The following KDM4C variants were observed in gnomAD, a reference collection of about 807,000 sequenced individuals.
KDM4C encodes the protein lysine-specific demethylase 4C.
A neutral mutation model predicts 129.3 loss-of-function variants in KDM4C; 81 were observed. The observed-to-expected ratio is 0.63, with a 90% confidence interval of 0.52 to 0.75. KDM4C has a LOEUF of 0.75. KDM4C is among the 30% of genes least tolerant of loss of function. The pLI is 0.00. For missense variants in KDM4C, 1,457 were observed against 1,304.0 expected (o/e 1.12, Z -1.81); for synonymous variants, 573 against 456.1 (o/e 1.26, Z -3.26).
At chr9:6,907,645 G>A (rs2131043098) in intron 8 of KDM4C, among the ~76,000 whole-genome samples, 1 of 152,194 alleles carries the variant, frequency 6.6e-6, no homozygotes, top group Non-Finnish European at 1.5e-5. Context: ...ATTAATAATT[G>A]ATATCTAATT....
At chr9:6,806,498 AAAATAAATAAATAAATAAATAAAT>A (rs3072002) in intron 3 of KDM4C, among the ~76,000 whole-genome samples, 3 of 146,690 alleles carry the variant, frequency 2.0e-5, no homozygotes, top group African/African-American at 7.6e-5. Flanking sequence ...CCGTCTCGAA[AAAATAAATAAATAAATAAATAAAT>A]AAATAAATAA....
At chr9:7,038,791 G>C (rs1238488597) in intron 15 of KDM4C, among the ~76,000 whole-genome samples, 1 of 151,872 alleles carries the variant, frequency 6.6e-6, no homozygotes, top group Non-Finnish European at 1.5e-5. Flanking sequence ...CCCCAAACTA[G>C]ATATATTCTG....
intron 1 of KDM4C, among the ~76,000 whole-genome samples, chr9:6,752,022 C>T (rs1441571238): frequency 2.0e-5 from 3 of 152,034 alleles, no homozygotes; most frequent in Non-Finnish European, 2.9e-5. Context: ...TTAAGCAAGT[C>T]ACATTCCTGA....
intron 19 of KDM4C, among the ~76,000 whole-genome samples, chr9:7,149,530 T>C (rs987321611): frequency 6.6e-6 from 1 of 152,224 alleles, no homozygotes; most frequent in African/African-American, 2.4e-5. Context: ...CCAGCCCCCA[T>C]GTGCAGCCTT....
intron 15 of KDM4C, among the ~76,000 whole-genome samples, chr9:7,019,246 A>T (rs544968274): frequency 6.6e-6 from 1 of 152,272 alleles, no homozygotes; most frequent in South Asian, 2.1e-4. Flanking sequence ...GGCTGCAATG[A>T]TTGCATTTTT....
chr9:6,728,845 C>A (rs944623558), intron 1 of KDM4C, among the ~76,000 whole-genome samples: 2 of 151,440 alleles, frequency 1.3e-5, no homozygotes, highest in Non-Finnish European at 2.9e-5. Context: ...GACTCCATCT[C>A]AAAAAACAAA....
At chr9:6,907,582 AAT>A (rs1818548855) in intron 8 of KDM4C, among the ~76,000 whole-genome samples, 1 of 152,188 alleles carries the variant, frequency 6.6e-6, no homozygotes, top group South Asian at 2.1e-4. Context: ...GGGTAGTATA[AAT>A]ATGTGTCTTT....
chr9:6,919,642 C>G (rs908161025), intron 8 of KDM4C, among the ~76,000 whole-genome samples: 4 of 151,700 alleles, frequency 2.6e-5, no homozygotes, highest in Admixed American at 2.6e-4. Context: ...ATGGCGCGAT[C>G]TTGGCTCCCT....
chr9:7,078,040 A>C (rs1288349186), intron 17 of KDM4C, among the ~76,000 whole-genome samples: 1 of 152,202 alleles, frequency 6.6e-6, no homozygotes, highest in Non-Finnish European at 1.5e-5. Context: ...TTAAAAATCA[A>C]GTTTTGATGA....
chr9:7,158,991 C>T (rs943306744), intron 19 of KDM4C, among the ~76,000 whole-genome samples: 1 of 152,136 alleles, frequency 6.6e-6, no homozygotes, highest in African/African-American at 2.4e-5. Context: ...TCTTTGTAGT[C>T]TCTAAGGACT....
At chr9:7,091,360 G>A (rs1363098581) in intron 17 of KDM4C, among the ~76,000 whole-genome samples, 1 of 151,902 alleles carries the variant, frequency 6.6e-6, no homozygotes, top group Admixed American at 6.6e-5. Context: ...CACAAGTCTA[G>A]TAATAGAGTA....
intron 6 of KDM4C, among the ~76,000 whole-genome samples, chr9:6,883,262 G>C (rs969849269): frequency 6.6e-6 from 1 of 152,108 alleles, no homozygotes; most frequent in Non-Finnish European, 1.5e-5. Context: ...GAAATGTCTA[G>C]TTTTGAAAGG....
intron 1 of KDM4C, among the ~76,000 whole-genome samples, chr9:6,738,834 G>C (rs2130250755): frequency 6.6e-6 from 1 of 151,736 alleles, no homozygotes; most frequent in South Asian, 2.1e-4. Flanking sequence ...CCTGACCTCA[G>C]GTGATCCACC....
intron 1 of KDM4C, among the ~76,000 whole-genome samples, chr9:6,747,002 T>TTA (rs1406322469): frequency 3.3e-5 from 1 of 30,104 alleles, no homozygotes; most frequent in Non-Finnish European, 5.8e-5. Flanking sequence ...AGACTCCGTC[T>TTA]CAAAAAAAAA....
chr9:6,940,839 T>C (rs1268601425), intron 8 of KDM4C, among the ~76,000 whole-genome samples: 1 of 152,230 alleles, frequency 6.6e-6, no homozygotes, highest in Admixed American at 6.5e-5. Flanking sequence ...CTAAAATATA[T>C]GCTCTCTGAT....
At chr9:7,043,236 C>G (rs1828882739) in intron 15 of KDM4C, among the ~76,000 whole-genome samples, 1 of 151,956 alleles carries the variant, frequency 6.6e-6, no homozygotes, top group South Asian at 2.1e-4. Context: ...AATTTTTATT[C>G]TTGATATCAA....
chr9:7,029,683 C>T (rs535609652), intron 15 of KDM4C, among the ~76,000 whole-genome samples: 120 of 152,124 alleles, frequency 7.9e-4, no homozygotes, highest in Middle Eastern at 6.8e-3. Context: ...TGTTTCTCTC[C>T]AGGAAATTTG....
At chr9:6,982,212 C>A (rs1439904767) in intron 9 of KDM4C, 1 of 142,494 alleles carries the variant, frequency 7.0e-6, no homozygotes, top group Non-Finnish European at 1.5e-5. Flanking sequence ...TGCTTATTTT[C>A]TGTCTTTTTT....
At chr9:7,067,913 A>C (rs1360701045) in intron 17 of KDM4C, among the ~76,000 whole-genome samples, 2 of 151,982 alleles carry the variant, frequency 1.3e-5, no homozygotes, top group Non-Finnish European at 1.5e-5. Flanking sequence ...CTGCTGCCTC[A>C]GCCTCCCGAG....
Sources: gnomAD v4.1 joint callset for allele counts (sites outside exome capture counted in the v4.1 genomes callset) on GRCh38, gnomAD v4.1.1 for gene constraint, MANE v1.5 for transcripts, NCBI Gene and HGNC (gene_info 2026-07-23, HGNC 2026-07-21) for gene names.